ATOSA: variants seen among roughly 807,000 people sequenced by gnomAD.
The protein encoded by ATOSA is atos homolog protein A.
At chr15:52,704,609 T>C in the ATOSA span, among the ~76,000 whole-genome samples, 2 of 152,150 alleles carry the variant, frequency 1.3e-5, no homozygotes, top group Non-Finnish European at 2.9e-5. Flanking sequence ...TCTATCCATC[T>C]GACAAAGGGC....
At chr15:52,594,325 C>G in the ATOSA span, among the ~76,000 whole-genome samples, 2 of 152,144 alleles carry the variant, frequency 1.3e-5, no homozygotes, top group Non-Finnish European at 1.5e-5. Context: ...AGTACAGAAG[C>G]TCCTTATCCA....
At chr15:52,615,441 T>C in the ATOSA span, among the ~76,000 whole-genome samples, 1 of 152,244 alleles carries the variant, frequency 6.6e-6, no homozygotes, top group Non-Finnish European at 1.5e-5. Flanking sequence ...GTGCCTATTA[T>C]ACCTCAGGTA....
chr15:52,695,036 T>C, the ATOSA span, among the ~76,000 whole-genome samples: 1 of 151,902 alleles, frequency 6.6e-6, no homozygotes. Context: ...GCAATTATCA[T>C]GCCTCGGCCT....
chr15:52,639,808 T>G, the ATOSA span, among the ~76,000 whole-genome samples: 3 of 152,168 alleles, frequency 2.0e-5, no homozygotes, highest in Non-Finnish European at 4.4e-5. Context: ...TGGAGTGCAA[T>G]GGCACAATAT....
At chr15:52,631,961 A>ACGCCAAAGG in the ATOSA span, among the ~76,000 whole-genome samples, 1 of 152,130 alleles carries the variant, frequency 6.6e-6, no homozygotes, top group African/African-American at 2.4e-5. Context: ...AGTTGGTCTC[A>ACGCCAAAGG]AACTCCTGGC....
chr15:52,620,496 G>A, the ATOSA span, among the ~76,000 whole-genome samples: 1 of 152,190 alleles, frequency 6.6e-6, no homozygotes, highest in Non-Finnish European at 1.5e-5. Flanking sequence ...CAATGGGAGT[G>A]GAAGAAGAGT....
At chr15:52,694,129 T>C in the ATOSA span, among the ~76,000 whole-genome samples, 1,919 of 150,278 alleles carry the variant, frequency 0.013, 39 homozygotes, top group African/African-American at 0.045. Flanking sequence ...TGAGTATGTG[T>C]GTGTGTGCGT....
the ATOSA span, among the ~76,000 whole-genome samples, chr15:52,672,920 C>T: frequency 6.6e-6 from 1 of 152,118 alleles, no homozygotes; most frequent in Non-Finnish European, 1.5e-5. Flanking sequence ...TGTATCAAGC[C>T]ATTGATTATT....
chr15:52,656,221 A>T, the ATOSA span: 5 of 152,150 alleles, frequency 3.3e-5, no homozygotes, highest in Admixed American at 2.6e-4. Context: ...GTTAAAATAT[A>T]ACATTATTAA....
chr15:52,681,838 G>A, the ATOSA span, among the ~76,000 whole-genome samples: 2 of 152,202 alleles, frequency 1.3e-5, no homozygotes, highest in Admixed American at 6.5e-5. Context: ...AATCTGTAAT[G>A]ACTGTCTCTA....
At chr15:52,623,267 G>C in the ATOSA span, among the ~76,000 whole-genome samples, 1 of 151,972 alleles carries the variant, frequency 6.6e-6, no homozygotes, top group African/African-American at 2.4e-5. Context: ...CCATTAGAGG[G>C]TTTTAACTAG....
At chr15:52,677,923 G>C in the ATOSA span, 1 of 1,527,970 alleles carries the variant, frequency 6.5e-7, no homozygotes, top group Non-Finnish European at 9.1e-7. Context: ...TGATCCTACT[G>C]CAGAATTAGG....
the ATOSA span, among the ~76,000 whole-genome samples, chr15:52,662,766 T>C: frequency 8.1e-6 from 1 of 123,694 alleles, no homozygotes; most frequent in Non-Finnish European, 1.6e-5. Flanking sequence ...CAAGACTCCG[T>C]CTCAAAAAAA....
the ATOSA span, among the ~76,000 whole-genome samples, chr15:52,690,813 C>T: frequency 6.6e-6 from 1 of 152,114 alleles, no homozygotes; most frequent in Non-Finnish European, 1.5e-5. Context: ...AAATTAATGG[C>T]ATGGATTGCT....
the ATOSA span, among the ~76,000 whole-genome samples, chr15:52,601,871 T>C: frequency 6.6e-6 from 1 of 152,234 alleles, no homozygotes; most frequent in Non-Finnish European, 1.5e-5. Flanking sequence ...CAGATGACAC[T>C]GAAAATTTAA....
chr15:52,682,976 A>G, the ATOSA span, among the ~76,000 whole-genome samples: 7 of 152,098 alleles, frequency 4.6e-5, no homozygotes, highest in Non-Finnish European at 1.0e-4. Flanking sequence ...CTGTTTGTCT[A>G]CCCTCTAAAA....
chr15:52,589,854 C>G, the ATOSA span, among the ~76,000 whole-genome samples: 1 of 151,752 alleles, frequency 6.6e-6, no homozygotes, highest in East Asian at 1.9e-4. Flanking sequence ...GTGACACGAT[C>G]TTGGCTCAGT....
chr15:52,651,827 G>C, the ATOSA span: 4 of 1,526,458 alleles, frequency 2.6e-6, no homozygotes, highest in Non-Finnish European at 3.5e-6. Context: ...CAGAAAATTG[G>C]AAGCTTAAAA....
At chr15:52,593,137 T>C in the ATOSA span, among the ~76,000 whole-genome samples, 1 of 148,424 alleles carries the variant, frequency 6.7e-6, no homozygotes, top group African/African-American at 2.5e-5. Context: ...GAGAGTGAGA[T>C]GCTGTCAAAA....
Sources: allele counts gnomAD v4.1 joint callset (sites outside exome capture counted in the v4.1 genomes callset), GRCh38; gene constraint gnomAD v4.1.1; transcripts MANE v1.5; gene names NCBI Gene and HGNC (gene_info 2026-07-23, HGNC 2026-07-21).